NAV3: variants seen among roughly 807,000 people sequenced by gnomAD.
NAV3 encodes the protein pore membrane and/or filament interacting like protein 1.
Under a neutral mutation model 244.7 loss-of-function variants are expected in NAV3, and 87 were observed. That is an observed-to-expected ratio of 0.36 (90% confidence interval 0.30 to 0.42). The LOEUF (loss-of-function observed/expected upper bound fraction) is 0.42. Among genes scored for constraint, NAV3 ranks in the 20% least tolerant of loss-of-function variants. NAV3 has a pLI of 1.00. For missense variants in NAV3, 2,663 were observed against 2,893.3 expected, an observed-to-expected ratio of 0.92 and a Z score of 1.83; for synonymous variants, 1,126 against 1,042.2, an observed-to-expected ratio of 1.08 and a Z score of -1.55.
Position 77,655,377 on chromosome 12 carries a change from G to A in NAV3, c.72+83111G>A, listed in dbSNP as rs191066881. 5.5e-3 allele frequency among the ~76,000 whole-genome samples: 843 copies of A among 152,304 alleles called. 11 individuals are homozygous for A. The highest frequency in any genetic ancestry group is 0.025 in the South Asian group (119 of 4,828). On this transcript the variant is annotated intron_variant, in intron 2 of 8. Transcript: ENST00000550042. ...ATCAGTGATGGAAGATGAAATGAAT[G>A]AAGTGAAGCGAGAAGGGAAGTTTAG...
intron 3 of NAV3, among the ~76,000 whole-genome samples, chr12:77,941,871 A>G (rs1889903554): frequency 2.0e-5 from 3 of 152,238 alleles, no homozygotes; most frequent in Admixed American, 2.0e-4. Context: ...GCCGAAATCC[A>G]CAAGATGAAG....
intron 2 of NAV3, among the ~76,000 whole-genome samples, chr12:77,696,074 C>G (rs928117732): frequency 6.6e-6 from 1 of 152,126 alleles, no homozygotes; most frequent in Non-Finnish European, 1.5e-5. Context: ...AGATTAGCTA[C>G]TAAATCTTAC....
intron 34 of NAV3, among the ~76,000 whole-genome samples, chr12:78,191,407 C>T (rs1042514400): frequency 6.6e-6 from 1 of 152,056 alleles, no homozygotes; most frequent in Non-Finnish European, 1.5e-5. Context: ...ATTTCTCTCA[C>T]AAGCATACAC....
chr12:78,205,551 A>G (rs1960210780), intron 39 of NAV3, among the ~76,000 whole-genome samples: 1 of 152,064 alleles, frequency 6.6e-6, no homozygotes, highest in African/African-American at 2.4e-5. Flanking sequence ...ATATCAACTA[A>G]CCTGACTAAT....
In NAV3 at chr12:77,773,876, G is replaced by T. The variant is rs538322069; in HGVS notation, c.73-166443G>T. Among the ~76,000 whole-genome samples the T allele has an allele frequency of 2.0e-5, 3 of 152,202 alleles. No individual in the cohort carries two copies. The East Asian group carries it at 5.8e-4, about 29-fold the overall frequency. On this transcript the variant is annotated intron_variant, in intron 2 of 8. Coordinates refer to the NAV3 transcript ENST00000550042. Reference sequence around the variant, plus strand: ...TCATTTAATGGATAAAAAAGCAGTAGGATTTCTTGCATTCATAGGCTACCC... The same window carrying T: ...TCATTTAATGGATAAAAAAGCAGTATGATTTCTTGCATTCATAGGCTACCC...
At chr12:78,165,809 A>G (rs1245737142) in intron 23 of NAV3, among the ~76,000 whole-genome samples, 7 of 151,854 alleles carry the variant, frequency 4.6e-5, no homozygotes, top group Non-Finnish European at 7.4e-5. Flanking sequence ...CTATAATACT[A>G]TTGGGAAAGA....
Position 78,133,366 on chromosome 12 carries a change from ATAAAT to A in NAV3, c.4442-3806_4442-3802del, listed in dbSNP as rs1425568405. Among the ~76,000 whole-genome samples the A allele has an allele frequency of 2.6e-5, 4 of 151,650 alleles. No individual in the cohort carries two copies. In the South Asian group the frequency reaches 6.2e-4, roughly 24 times the overall value. On this transcript the variant is annotated intron_variant, in intron 18 of 39. Coordinates refer to ENST00000397909, the MANE Select transcript of NAV3 (RefSeq NM_001024383.2). ...AAATGAGTACTCTTAAAATGCAATA[ATAAAT>A]TAAAGTTACTTTATTATTAAATTTT...
chr12:77,949,294 T>C (rs1890654558), intron 3 of NAV3, among the ~76,000 whole-genome samples: 1 of 152,092 alleles, frequency 6.6e-6, no homozygotes, highest in South Asian at 2.1e-4. Context: ...ATGCTTTTCA[T>C]TTAGCCATCA....
chr12:77,724,698 C>T (rs1876797939), intron 2 of NAV3, among the ~76,000 whole-genome samples: 1 of 151,614 alleles, frequency 6.6e-6, no homozygotes, highest in Admixed American at 6.6e-5. Flanking sequence ...AATATCCTAT[C>T]TATGAAATTT....
chr12:77,753,859 A>C (rs77651378), intron 2 of NAV3, among the ~76,000 whole-genome samples: 3,872 of 152,282 alleles, frequency 0.025, 174 homozygotes, highest in African/African-American at 0.088. Flanking sequence ...AAATACGTTC[A>C]AAAATATTGA....
chr12:77,793,159 AT>A (rs1421261989), intron 2 of NAV3, among the ~76,000 whole-genome samples: 1 of 152,214 alleles, frequency 6.6e-6, no homozygotes, highest in African/African-American at 2.4e-5. Flanking sequence ...TAAATAAAAA[AT>A]ATTATAGCTA....
intron 1 of NAV3, among the ~76,000 whole-genome samples, chr12:77,843,345 TC>T (rs1159744017): frequency 2.0e-5 from 3 of 152,130 alleles, no homozygotes; most frequent in African/African-American, 7.2e-5. Flanking sequence ...AGTTACCACT[TC>T]CAGGTCTGCA....
chr12:77,841,437 C>T (rs1220470478), intron 1 of NAV3, among the ~76,000 whole-genome samples: 1 of 152,104 alleles, frequency 6.6e-6, no homozygotes, highest in Non-Finnish European at 1.5e-5. Flanking sequence ...AATGGCATTG[C>T]ACTAGTTAAG....
intron 1 of NAV3, among the ~76,000 whole-genome samples, chr12:77,873,776 C>A (rs1184732956): frequency 1.9e-4 from 17 of 88,662 alleles, no homozygotes; most frequent in South Asian, 1.3e-3. Flanking sequence ...ATGTATATAA[C>A]AGCATATGCA....
At chr12:77,797,407 A>C (rs965550133) in intron 2 of NAV3, among the ~76,000 whole-genome samples, 16 of 151,990 alleles carry the variant, frequency 1.1e-4, no homozygotes, top group African/African-American at 3.4e-4. Flanking sequence ...TATATATTAA[A>C]CTTAATAAAA....
rs183212974 is a variant in NAV3, at chr12:77,655,386, C to G, written c.72+83120C>G. Among the ~76,000 whole-genome samples, 257 of 151,974 alleles carry G rather than the reference C, an allele frequency of 1.7e-3. 3 individuals are homozygous for G. The highest frequency in any genetic ancestry group is 5.8e-3 in the African/African-American group (241 of 41,458). ...GGAAGATGAAATGAATGAAGTGAAGCGAGAAGGGAAGTTTAGAGAAAAAAG... is the reference window on the plus strand; with the variant it reads ...GGAAGATGAAATGAATGAAGTGAAGGGAGAAGGGAAGTTTAGAGAAAAAAG... On this transcript the variant is annotated intron_variant, in intron 2 of 8. Coordinates refer to the NAV3 transcript ENST00000550042.
chr12:78,041,649 G>A (rs1880881182), intron 9 of NAV3, among the ~76,000 whole-genome samples: 1 of 152,140 alleles, frequency 6.6e-6, no homozygotes, highest in South Asian at 2.1e-4. Context: ...GAGTTTTCAG[G>A]CAGAGGCAGA....
rs574878062 is a variant in NAV3 at position 77,990,636 on chromosome 12, A to G, written c.672-4167A>G. ...GTTTCAACAATTCAAAATAATTATC[A>G]CACTTTAAAAATTAATATTAATTGC... On this transcript the variant is annotated intron_variant, in intron 5 of 39. Coordinates refer to ENST00000397909, the MANE Select transcript of NAV3 (RefSeq NM_001024383.2). 1.6e-4 allele frequency among the ~76,000 whole-genome samples: 25 copies of G among 152,308 alleles called. No homozygotes were observed. The South Asian group carries it at 5.2e-3, about 32-fold the overall frequency.
At chr12:77,718,723 T>A (rs1042083445) in intron 2 of NAV3, among the ~76,000 whole-genome samples, 1 of 152,142 alleles carries the variant, frequency 6.6e-6, no homozygotes, top group Non-Finnish European at 1.5e-5. Flanking sequence ...GATGGCATGA[T>A]CTCGGCTCAC....
Sources: gnomAD v4.1 joint callset for allele counts (sites outside exome capture counted in the v4.1 genomes callset) on GRCh38, gnomAD v4.1.1 for gene constraint, MANE v1.5 for transcripts, NCBI Gene and HGNC (gene_info 2026-07-23, HGNC 2026-07-21) for gene names.